SFSWAP: variants seen among roughly 807,000 people sequenced by gnomAD.
SFSWAP encodes splicing factor SWAP.
A neutral mutation model predicts 100.7 loss-of-function variants in SFSWAP; 17 were observed. The observed-to-expected ratio is 0.17, with a 90% CI of 0.12 to 0.25. SFSWAP has a LOEUF of 0.25. SFSWAP is among the 10% of genes least tolerant of loss of function. The pLI, the probability that SFSWAP is intolerant of heterozygous loss-of-function variation, is 1.00. For missense variants in SFSWAP, 1,005 were observed against 1,262.6 expected (o/e 0.80, Z 3.09); for synonymous variants, 504 against 510.1 (o/e 0.99, Z 0.16).
intron 4 of SFSWAP, 133 bp downstream of exon 4, chr12:131,719,672 T>C (rs1001304381): frequency 2.8e-6 from 2 of 704,618 alleles, no homozygotes; most frequent in East Asian, 5.4e-5. Flanking sequence ...TGTGAGTTAA[T>C]GGAGAAAAAG....
chr12:131,754,764 G>A (rs1882005100), intron 9 of SFSWAP, among the ~76,000 whole-genome samples: 1 of 149,992 alleles, frequency 6.7e-6, no homozygotes, highest in South Asian at 2.1e-4. Flanking sequence ...CTCCTGAGTA[G>A]CTGGGACTAC....
chr12:131,768,348 G>C (rs369107799), intron 13 of SFSWAP, among the ~76,000 whole-genome samples: 2 of 152,272 alleles, frequency 1.3e-5, no homozygotes, highest in East Asian at 3.9e-4. Flanking sequence ...GGCCATTATT[G>C]AAAACTGATT....
chr12:131,738,885 CTTTTTTTTT>C (rs71072785), intron 7 of SFSWAP, among the ~76,000 whole-genome samples: 2 of 48,718 alleles, frequency 4.1e-5, no homozygotes, highest in Non-Finnish European at 8.2e-5. Flanking sequence ...GAACATTATT[CTTTTTTTTT>C]TTTTTTTTTT....
chr12:131,760,899 C>A (rs1882615591), intron 11 of SFSWAP, among the ~76,000 whole-genome samples: 1 of 152,126 alleles, frequency 6.6e-6, no homozygotes, highest in Non-Finnish European at 1.5e-5. Context: ...TGGTGAAACC[C>A]TGTCTCTACT....
chr12:131,735,783 T>C (rs1879958103), intron 7 of SFSWAP, among the ~76,000 whole-genome samples: 1 of 152,268 alleles, frequency 6.6e-6, no homozygotes, highest in Non-Finnish European at 1.5e-5. Flanking sequence ...TCATGGTTAC[T>C]TCTCCCTCCT....
intron 15 of SFSWAP, among the ~76,000 whole-genome samples, chr12:131,787,722 T>C (rs542352461): frequency 3.3e-5 from 5 of 152,152 alleles, no homozygotes; most frequent in South Asian, 4.2e-4. Flanking sequence ...GGACGGATGG[T>C]CCCAGCCATC....
At chr12:131,739,067 A>G (rs763134941) in intron 7 of SFSWAP, among the ~76,000 whole-genome samples, 5 of 151,342 alleles carry the variant, frequency 3.3e-5, no homozygotes, top group Non-Finnish European at 7.4e-5. Flanking sequence ...AAATTTTTAG[A>G]GGGTCTTGCT....
In SFSWAP at chr12:131,794,513, G is replaced by A. The variant is rs1176539343; in HGVS notation, c.2535-2665G>A. Among the ~76,000 whole-genome samples, 1 of 152,164 alleles carries A rather than the reference G, an allele frequency of 6.6e-6. No homozygotes were observed. The highest frequency in any genetic ancestry group is 1.5e-5 in the Non-Finnish European group (1 of 68,030). ...GATTATGCCCCTGCACTCCAGTTTGGGCAACAGAGGGAAACTGAGAAACAA... is the reference window on the plus strand; with the variant it reads ...GATTATGCCCCTGCACTCCAGTTTGAGCAACAGAGGGAAACTGAGAAACAA... On this transcript the variant is annotated intron_variant, in intron 15 of 17. Coordinates refer to ENST00000261674, the MANE Select transcript of SFSWAP (RefSeq NM_004592.4). This position sits in a 1 kb window ranked among gnomAD's most constrained non-coding sequence, Gnocchi z 4.8.
chr12:131,747,091 G>C (rs1018262571), intron 7 of SFSWAP, among the ~76,000 whole-genome samples: 1 of 115,608 alleles, frequency 8.6e-6, no homozygotes, highest in African/African-American at 3.5e-5. Context: ...GCAACAGAGC[G>C]AGACTCTGTC....
At chr12:131,769,847 T>C (rs1883442312) in intron 13 of SFSWAP, among the ~76,000 whole-genome samples, 1 of 152,196 alleles carries the variant, frequency 6.6e-6, no homozygotes, top group African/African-American at 2.4e-5. Context: ...CAAGATGGTC[T>C]CAATCTGTCC....
chr12:131,782,150 C>CAAGAAG (rs1041635721), intron 14 of SFSWAP, among the ~76,000 whole-genome samples: 2 of 152,160 alleles, frequency 1.3e-5, no homozygotes, highest in Non-Finnish European at 2.9e-5. Context: ...GACAAAAGAA[C>CAAGAAG]AAGAAGAAGA....
At chr12:131,781,023 G>T (rs762363111) in intron 14 of SFSWAP, among the ~76,000 whole-genome samples, 1 of 152,074 alleles carries the variant, frequency 6.6e-6, no homozygotes, top group Admixed American at 6.6e-5. Flanking sequence ...TCCCACATTG[G>T]CATATTCAGA....
chr12:131,753,858 C>T (rs1264045083), intron 8 of SFSWAP, among the ~76,000 whole-genome samples: 1 of 152,148 alleles, frequency 6.6e-6, no homozygotes, highest in Non-Finnish European at 1.5e-5. Flanking sequence ...GCAGCGAGGG[C>T]CCCCAGTGTT....
chr12:131,716,766 A>C (rs1877955523), intron 3 of SFSWAP, among the ~76,000 whole-genome samples: 1 of 152,230 alleles, frequency 6.6e-6, no homozygotes. Context: ...ATTTATTAAT[A>C]CTGTCTGGCA....
chr12:131,783,396 T>G (rs1259091936), intron 14 of SFSWAP: 2 of 152,210 alleles, frequency 1.3e-5, no homozygotes, highest in Non-Finnish European at 2.9e-5. Flanking sequence ...TTTAGTTATC[T>G]AAATGCATCT....
At chr12:131,755,223 G>A (rs1882045798) in intron 9 of SFSWAP, among the ~76,000 whole-genome samples, 163 bp from the exon 10 acceptor site, 1 of 152,074 alleles carries the variant, frequency 6.6e-6, no homozygotes, top group Non-Finnish European at 1.5e-5. Context: ...AAGCGATTTC[G>A]ACCCCCTGTG....
chr12:131,753,417 A>G (rs570809371), intron 8 of SFSWAP, 54 bp downstream of exon 8: 89 of 1,554,460 alleles, frequency 5.7e-5, no homozygotes, highest in Middle Eastern at 5.3e-4. Flanking sequence ...CACTGCAGTC[A>G]CTGGGGCCGT....
chr12:131,717,374 A>G (rs532346107), intron 3 of SFSWAP, among the ~76,000 whole-genome samples: 16 of 152,224 alleles, frequency 1.1e-4, no homozygotes, highest in African/African-American at 3.4e-4. Flanking sequence ...ATTTTTCATC[A>G]TTATTCTATA....
At chr12:131,777,440 A>G (rs551769287) in intron 13 of SFSWAP, among the ~76,000 whole-genome samples, 1 of 152,270 alleles carries the variant, frequency 6.6e-6, no homozygotes, top group East Asian at 1.9e-4. Flanking sequence ...GATGGTTTCC[A>G]GCTTCATCCA....
Sources: gnomAD v4.1 joint callset for allele counts (sites outside exome capture counted in the v4.1 genomes callset) on GRCh38, gnomAD v4.1.1 for gene constraint, Gnocchi (gnomAD v3.1) non-coding constraint, MANE v1.5 for transcripts, NCBI Gene and HGNC (gene_info 2026-07-23, HGNC 2026-07-21) for gene names.